CUX2: variants seen among roughly 807,000 people sequenced by gnomAD.
The protein encoded by CUX2 is cut like homeobox 2.
A neutral mutation model predicts 144.8 loss-of-function variants in CUX2; 40 were observed. That is an observed-to-expected ratio of 0.28 (90% confidence interval 0.21 to 0.36). CUX2 has a LOEUF of 0.36. CUX2 is among the 10% of genes least tolerant of loss of function. The pLI is 1.00. For missense variants in CUX2, 1,615 were observed against 1,994.0 expected, an observed-to-expected ratio of 0.81 and a Z score of 3.62; for synonymous variants, 827 against 875.6, an observed-to-expected ratio of 0.94 and a Z score of 0.98.
At chr12:111,094,029 G>A (rs944527160) in intron 1 of CUX2, among the ~76,000 whole-genome samples, 4 of 152,230 alleles carry the variant, frequency 2.6e-5, no homozygotes, top group Non-Finnish European at 5.9e-5. Flanking sequence ...AGCCTTGCGA[G>A]GCTGTTTAAA....
At chr12:111,309,503 G>A (rs968909513) in intron 14 of CUX2, among the ~76,000 whole-genome samples, 3 of 152,164 alleles carry the variant, frequency 2.0e-5, no homozygotes, top group Admixed American at 6.5e-5. Context: ...GGGAGTTGGA[G>A]AATGGAGGGG....
intron 1 of CUX2, among the ~76,000 whole-genome samples, chr12:111,129,740 C>T (rs1185546964): frequency 1.3e-5 from 2 of 152,220 alleles, no homozygotes; most frequent in Non-Finnish European, 2.9e-5. Flanking sequence ...TAATTTCCTA[C>T]ATAGGGGCAG....
chr12:111,241,438 A>G (rs1883016383), intron 3 of CUX2, among the ~76,000 whole-genome samples: 1 of 152,202 alleles, frequency 6.6e-6, no homozygotes, highest in African/African-American at 2.4e-5. Flanking sequence ...AGATAAAGAA[A>G]TACATGCTGC....
chr12:111,235,675 C>T (rs184711675), intron 3 of CUX2, among the ~76,000 whole-genome samples: 1 of 151,822 alleles, frequency 6.6e-6, no homozygotes, highest in East Asian at 1.9e-4. Context: ...GAGCTGAGAT[C>T]GCGCCACTGC....
At chr12:111,038,428 G>A (rs1282360217) in intron 1 of CUX2, among the ~76,000 whole-genome samples, 1 of 152,258 alleles carries the variant, frequency 6.6e-6, no homozygotes, top group Non-Finnish European at 1.5e-5. Flanking sequence ...GCGTGAGCCC[G>A]CAGAGCTTGG....
intron 1 of CUX2, chr12:111,099,464 G>T: frequency 2.3e-6 from 1 of 432,922 alleles, no homozygotes; most frequent in South Asian, 1.6e-5. Context: ...GCCAGGTTGG[G>T]TCACTGCTGG....
rs1251109446 is a variant in CUX2, at chr12:111,336,990, C to A, written c.3197-1296C>A. Among the ~76,000 whole-genome samples the A allele has an allele frequency of 2.6e-5, 4 of 151,470 alleles. No homozygotes were observed. In the East Asian group the frequency reaches 7.9e-4, roughly 30 times the overall value. ...ATGAGTTCCAGACCAGCCTGGGCAACACGGCGAAACCCCGTCTCTACAAAA... is the reference window on the plus strand; with the variant it reads ...ATGAGTTCCAGACCAGCCTGGGCAAAACGGCGAAACCCCGTCTCTACAAAA... On this transcript the variant is annotated intron_variant, in intron 19 of 21. Transcript: ENST00000261726.
At chr12:111,267,854 T>C (rs1884460164) in intron 4 of CUX2, among the ~76,000 whole-genome samples, 1 of 152,150 alleles carries the variant, frequency 6.6e-6, no homozygotes, top group South Asian at 2.1e-4. Flanking sequence ...AGGTCTTGCT[T>C]AACAAAGCCC....
At position 111,246,628 on chromosome 12, in the gene CUX2, A is replaced by G. The variant is rs901934973; in HGVS notation, c.223-17133A>G. Among the ~76,000 whole-genome samples the G allele has an allele frequency of 2.0e-5, 3 of 152,228 alleles. No homozygotes were observed. The highest frequency in any genetic ancestry group is 3.8e-4 in the East Asian group (2 of 5,200). On this transcript the variant is annotated intron_variant, in intron 3 of 21. Transcript: ENST00000261726. This position sits in a 1 kb window ranked among gnomAD's most constrained non-coding sequence, Gnocchi z 4.0. ...CAATCATTTTTAAAACCTGAGCAAAACAAAGTGCATGTGGAATTTGGACCA... is the reference window on the plus strand; with the variant it reads ...CAATCATTTTTAAAACCTGAGCAAAGCAAAGTGCATGTGGAATTTGGACCA...
chr12:111,109,404 G>A (rs2136079956), intron 1 of CUX2, among the ~76,000 whole-genome samples: 1 of 152,306 alleles, frequency 6.6e-6, no homozygotes, highest in East Asian at 1.9e-4. Context: ...AGTTGCAAGT[G>A]TAACAGAAGT....
intron 3 of CUX2, among the ~76,000 whole-genome samples, chr12:111,251,351 AG>A (rs908599630): frequency 6.6e-6 from 1 of 152,230 alleles, no homozygotes; most frequent in African/African-American, 2.4e-5. Context: ...AAGGGAAAAA[AG>A]CTTCCTTTTG....
intron 19 of CUX2, among the ~76,000 whole-genome samples, chr12:111,335,519 T>C (rs1474006778): frequency 6.6e-6 from 1 of 152,148 alleles, no homozygotes; most frequent in Non-Finnish European, 1.5e-5. Flanking sequence ...CAGATCAGCC[T>C]GGCCAACATG....
chr12:111,170,352 C>G (rs1017900682), intron 1 of CUX2, among the ~76,000 whole-genome samples: 12 of 151,144 alleles, frequency 7.9e-5, no homozygotes. Flanking sequence ...TCACTTGAAC[C>G]TGGGAGGCAG....
chr12:111,096,646 G>T (rs1872833577), intron 1 of CUX2, among the ~76,000 whole-genome samples: 1 of 152,162 alleles, frequency 6.6e-6, no homozygotes, highest in Non-Finnish European at 1.5e-5. Flanking sequence ...AGCAAGGCCA[G>T]CTCAGCCACG....
chr12:111,040,923 T>C (rs1283472891), intron 1 of CUX2, among the ~76,000 whole-genome samples: 2 of 152,172 alleles, frequency 1.3e-5, no homozygotes, highest in Admixed American at 6.5e-5. Context: ...CTGCCCTGGG[T>C]CTACTGGTCT....
intron 1 of CUX2, among the ~76,000 whole-genome samples, chr12:111,209,708 CACTTCCAGGGGGT>C (rs1349563327): frequency 2.6e-5 from 4 of 152,064 alleles, no homozygotes; most frequent in Non-Finnish European, 5.9e-5. Context: ...AGGCAGTGGG[CACTTCCAGGGGGT>C]ACTGCAGATC....
At position 111,068,107 on chromosome 12, in the gene CUX2, C is replaced by T. The variant is rs1871096997; in HGVS notation, c.63+33867C>T. On this transcript the variant is annotated intron_variant, in intron 1 of 21. Coordinates refer to ENST00000261726, the MANE Select transcript of CUX2 (RefSeq NM_015267.4). The surrounding 1 kb of genome is among the most constrained non-coding windows in gnomAD (Gnocchi z 4.9). ...CCTGCAGAGCCTGGCGAAGTCCCTCCCGTGTCCCCAAGCCCACCACACCTG... is the reference window on the plus strand; with the variant it reads ...CCTGCAGAGCCTGGCGAAGTCCCTCTCGTGTCCCCAAGCCCACCACACCTG... 6.6e-6 allele frequency among the ~76,000 whole-genome samples: 1 copy of T among 152,136 alleles called. No individual in the cohort carries two copies. The highest frequency in any genetic ancestry group is 6.5e-5 in the Admixed American group (1 of 15,280).
rs1329796707 is a variant in CUX2, at chr12:111,089,284, CTG to C, written c.63+55047_63+55048del. 3.3e-5 allele frequency among the ~76,000 whole-genome samples: 5 copies of C among 152,246 alleles called. No individual in the cohort carries two copies. The East Asian group carries it at 7.7e-4, about 23-fold the overall frequency. ...AGTCTTGGCTCTGTAGATCACCAAA[CTG>C]TGGCCTTAAGCAACTGATTTCTCTT... is the stretch of plus-strand genomic sequence containing the variant. On this transcript the variant is annotated intron_variant, in intron 1 of 21. Coordinates refer to ENST00000261726, the MANE Select transcript of CUX2 (RefSeq NM_015267.4).
Position 111,035,397 on chromosome 12 carries a change from G to C in CUX2, c.63+1157G>C, listed in dbSNP as rs1869382788. ...GAGGTGGAATCTCAGAGAACGCACC[G>C]TGGAGGCGCGGCTCCGGCCTCTGTT... On this transcript the variant is annotated intron_variant, in intron 1 of 21. Transcript: ENST00000261726. The surrounding 1 kb of genome is among the most constrained non-coding windows in gnomAD (Gnocchi z 6.0). 6.6e-6 allele frequency among the ~76,000 whole-genome samples: 1 copy of C among 152,076 alleles called. No individual in the cohort carries two copies. The highest frequency in any genetic ancestry group is 2.4e-5 in the African/African-American group (1 of 41,406).
Sources: allele counts gnomAD v4.1 joint callset (sites outside exome capture counted in the v4.1 genomes callset), GRCh38; gene constraint gnomAD v4.1.1; non-coding constraint Gnocchi (gnomAD v3.1); transcripts MANE v1.5; gene names NCBI Gene and HGNC (gene_info 2026-07-23, HGNC 2026-07-21).